The following CNTN1 variants were observed in gnomAD, a reference collection of about 807,000 sequenced individuals.
CNTN1 encodes the protein contactin-1.
In CNTN1, 38 loss-of-function variants were observed where a neutral mutation model predicts 126.4. The observed-to-expected ratio is 0.30, with a 90% CI of 0.23 to 0.39. CNTN1 has a LOEUF of 0.39. CNTN1 is among the 10% of genes least tolerant of loss of function. The pLI is 1.00. For synonymous variants in CNTN1, 413 were observed against 422.6 expected, an observed-to-expected ratio of 0.98 and a Z score of 0.28; for missense variants, 1,009 against 1,248.4, an observed-to-expected ratio of 0.81 and a Z score of 2.89.
intron 1 of CNTN1, among the ~76,000 whole-genome samples, chr12:40,831,575 C>G (rs1463655731): frequency 6.6e-6 from 1 of 152,060 alleles, no homozygotes; most frequent in East Asian, 1.9e-4. Flanking sequence ...ACATATGAAA[C>G]ATCTTTCTTT....
At chr12:40,829,599 T>C (rs960242008) in intron 1 of CNTN1, among the ~76,000 whole-genome samples, 6 of 152,160 alleles carry the variant, frequency 3.9e-5, no homozygotes, top group Non-Finnish European at 5.9e-5. Flanking sequence ...AATGTTGCTA[T>C]ATTATTTGGA....
At chr12:40,876,211 T>A (rs1479729501) in intron 1 of CNTN1, among the ~76,000 whole-genome samples, 1 of 151,200 alleles carries the variant, frequency 6.6e-6, no homozygotes, top group East Asian at 1.9e-4. Context: ...GAAATTAATA[T>A]CTGTATGCAA....
chr12:40,747,618 G>A (rs1427319606), intron 1 of CNTN1, among the ~76,000 whole-genome samples: 1 of 152,036 alleles, frequency 6.6e-6, no homozygotes, highest in Non-Finnish European at 1.5e-5. Flanking sequence ...TAAAATATCA[G>A]TTTGGCTGCT....
intron 1 of CNTN1, among the ~76,000 whole-genome samples, chr12:40,839,683 A>G (rs1942202839): frequency 6.6e-6 from 1 of 152,224 alleles, no homozygotes; most frequent in Non-Finnish European, 1.5e-5. Context: ...ATCCTTCATT[A>G]ATGACGTAGA....
intron 20 of CNTN1, 51 bp downstream of exon 20, chr12:41,020,491 C>A: frequency 8.7e-7 from 1 of 1,154,168 alleles, no homozygotes; most frequent in Non-Finnish European, 1.3e-6. Context: ...AATATATAAG[C>A]ATACGTTTTC....
intron 1 of CNTN1, among the ~76,000 whole-genome samples, chr12:40,774,848 C>T (rs1473223358): frequency 6.6e-6 from 1 of 150,702 alleles, no homozygotes; most frequent in Non-Finnish European, 1.5e-5. Flanking sequence ...GCAACTAAGT[C>T]TTTTTAAATT....
chr12:40,700,074 A>G (rs1196029311), intron 1 of CNTN1, among the ~76,000 whole-genome samples: 2 of 152,126 alleles, frequency 1.3e-5, no homozygotes, highest in Non-Finnish European at 2.9e-5. Flanking sequence ...ACATATTTTA[A>G]AGTCTTATAT....
chr12:40,894,699 G>C (rs1206650967), intron 1 of CNTN1, among the ~76,000 whole-genome samples: 1 of 152,004 alleles, frequency 6.6e-6, no homozygotes, highest in Non-Finnish European at 1.5e-5. Flanking sequence ...TATTAGCTGA[G>C]TATATTTCAT....
At chr12:40,749,757 G>C (rs1938327111) in intron 1 of CNTN1, among the ~76,000 whole-genome samples, 4 of 150,382 alleles carry the variant, frequency 2.7e-5, no homozygotes, top group Admixed American at 6.7e-5. Context: ...AAATCACAGA[G>C]TTTACATTTC....
At chr12:41,025,105 G>GA in intron 20 of CNTN1, 45 bp from the exon 21 acceptor site, 1 of 1,593,222 alleles carries the variant, frequency 6.3e-7, no homozygotes, top group South Asian at 1.1e-5. Flanking sequence ...CATAGCTGAA[G>GA]ACTCTAAATC....
chr12:40,847,844 G>A (rs968260469), intron 1 of CNTN1, among the ~76,000 whole-genome samples: 1 of 152,172 alleles, frequency 6.6e-6, no homozygotes, highest in Non-Finnish European at 1.5e-5. Flanking sequence ...GTTTTTCCAC[G>A]GATGGGGTGA....
intron 1 of CNTN1, among the ~76,000 whole-genome samples, chr12:40,719,000 GTTGA>G (rs1368060742): frequency 6.6e-6 from 1 of 151,956 alleles, no homozygotes; most frequent in African/African-American, 2.4e-5. Flanking sequence ...GTTTGGAGGG[GTTGA>G]TTTTTTTTTA....
chr12:40,994,695 T>A (rs1332197451), intron 17 of CNTN1, among the ~76,000 whole-genome samples: 3 of 152,060 alleles, frequency 2.0e-5, no homozygotes, highest in Non-Finnish European at 2.9e-5. Context: ...TACCTACATA[T>A]CCTGATGAAA....
chr12:40,922,456 G>A (rs1427132197), intron 5 of CNTN1, 28 bp downstream of exon 5: 3 of 1,609,556 alleles, frequency 1.9e-6, no homozygotes, highest in Non-Finnish European at 1.7e-6. Context: ...TTTAAAAAAG[G>A]GCAAGCGTGT....
At chr12:40,770,009 G>A (rs12425583) in intron 1 of CNTN1, among the ~76,000 whole-genome samples, 7,773 of 152,168 alleles carry the variant, frequency 0.051, 254 homozygotes, top group East Asian at 0.07. Flanking sequence ...GTTCTGTTAG[G>A]TTGTTTTGCA....
At chr12:40,890,129 A>G (rs1944189629) in intron 1 of CNTN1, among the ~76,000 whole-genome samples, 1 of 152,214 alleles carries the variant, frequency 6.6e-6, no homozygotes, top group Non-Finnish European at 1.5e-5. Context: ...CAGAGCGAAT[A>G]TCACCTTTCC....
chr12:40,885,174 C>T (rs1035111590), intron 1 of CNTN1, among the ~76,000 whole-genome samples: 2 of 151,644 alleles, frequency 1.3e-5, no homozygotes, highest in Non-Finnish European at 3.0e-5. Context: ...CTTACTAGTA[C>T]CAGAAACACC....
chr12:40,979,990 T>G (rs1947776812), intron 15 of CNTN1, among the ~76,000 whole-genome samples: 2 of 152,304 alleles, frequency 1.3e-5, no homozygotes, highest in South Asian at 2.1e-4. Flanking sequence ...AATTATTTTC[T>G]ATATATTATA....
intron 21 of CNTN1, among the ~76,000 whole-genome samples, chr12:41,025,546 T>G (rs544030074): frequency 2.0e-5 from 3 of 152,358 alleles, no homozygotes; most frequent in African/African-American, 7.2e-5. Context: ...TATTCCATTA[T>G]AGAAATAAAG....
Sources: allele counts gnomAD v4.1 joint callset (sites outside exome capture counted in the v4.1 genomes callset), GRCh38; gene constraint gnomAD v4.1.1; transcripts MANE v1.5; gene names NCBI Gene and HGNC (gene_info 2026-07-23, HGNC 2026-07-21).